The following ADAMTSL1 variants were observed in gnomAD, a reference collection of about 807,000 sequenced individuals.
The protein encoded by ADAMTSL1 is ADAMTS-like protein 1.
Under a neutral mutation model 201.8 loss-of-function variants are expected in ADAMTSL1, and 126 were observed. That is an observed-to-expected ratio of 0.62 (90% CI 0.54 to 0.72). The LOEUF (loss-of-function observed/expected upper bound fraction) is 0.72, where lower values mean the gene tolerates loss of function less well. Ranked by LOEUF, ADAMTSL1 falls within the 30% of genes least tolerant of loss-of-function variation. The pLI is 0.00. For synonymous variants in ADAMTSL1, 1,121 were observed against 903.4 expected (o/e 1.24, Z -4.32); for missense variants, 2,679 against 2,277.8 (o/e 1.18, Z -3.59).
chr9:18,689,823 G>A, intron 13 of ADAMTSL1, among the ~76,000 whole-genome samples: 1 of 152,278 alleles, frequency 6.6e-6, no homozygotes, highest in African/African-American at 2.4e-5. Flanking sequence ...TTTTTTCAAA[G>A]GTAGGATTGG....
At position 18,826,543 on chromosome 9, in the gene ADAMTSL1, C is replaced by T. The variant is rs1263231246; in HGVS notation, c.4114+80C>T. 4 of 1,489,890 alleles carry T rather than the reference C, an allele frequency of 2.7e-6. No individual in the cohort carries two copies. In the East Asian group the frequency reaches 9.8e-5, roughly 36 times the overall value. The allele number at this position is 1,489,890 out of a possible 1,614,324, so 92.3% of individuals were successfully genotyped here. Reference sequence around the variant, plus strand: ...AACCCACCCTCTACCTCCTTTGTGCCCTAATCCAATTAAGGACATAAAAGG... The same window carrying T: ...AACCCACCCTCTACCTCCTTTGTGCTCTAATCCAATTAAGGACATAAAAGG... On this transcript the variant is annotated intron_variant, in intron 22 of 28. Coordinates refer to ENST00000380548, the MANE Select transcript of ADAMTSL1 (RefSeq NM_001040272.6).
chr9:18,007,395 T>C (rs1314103200), intron 1 of ADAMTSL1, among the ~76,000 whole-genome samples: 1 of 152,062 alleles, frequency 6.6e-6, no homozygotes, highest in East Asian at 1.9e-4. Context: ...AACTTAGAAA[T>C]CTACCTTTTC....
chr9:18,220,037 G>A (rs1313807441), intron 2 of ADAMTSL1, among the ~76,000 whole-genome samples: 1 of 151,820 alleles, frequency 6.6e-6, no homozygotes, highest in East Asian at 1.9e-4. Flanking sequence ...AGCTACCTTG[G>A]CCTAGAGTAT....
At chr9:18,782,682 A>G (rs922283351) in intron 19 of ADAMTSL1, among the ~76,000 whole-genome samples, 1 of 152,218 alleles carries the variant, frequency 6.6e-6, no homozygotes, top group Non-Finnish European at 1.5e-5. Flanking sequence ...TAAAACGGGT[A>G]TAATAAGAGA....
intron 14 of ADAMTSL1, among the ~76,000 whole-genome samples, chr9:18,717,230 TATA>T (rs71494984): frequency 0.77 from 111,323 of 144,282 alleles, 44,406 homozygotes; most frequent in Admixed American, 0.87. Flanking sequence ...AAACTTAAAG[TATA>T]ATAATAATAA....
intron 22 of ADAMTSL1, 123 bp from the exon 23 acceptor site, chr9:18,829,720 A>G: frequency 7.5e-7 from 1 of 1,325,128 alleles, no homozygotes; most frequent in African/African-American, 1.5e-5. Flanking sequence ...AAAAGGCAAC[A>G]ATAGTAATGC....
At chr9:18,183,526 A>T (rs1172428363) in intron 2 of ADAMTSL1, among the ~76,000 whole-genome samples, 1 of 152,122 alleles carries the variant, frequency 6.6e-6, no homozygotes, top group East Asian at 1.9e-4. Flanking sequence ...CTCAACAATA[A>T]ACAAACAATC....
At chr9:17,970,773 A>G (rs1423149168) in intron 1 of ADAMTSL1, among the ~76,000 whole-genome samples, 1 of 152,034 alleles carries the variant, frequency 6.6e-6, no homozygotes, top group Non-Finnish European at 1.5e-5. Flanking sequence ...GCTTACTCCT[A>G]TCTTCACACT....
intron 23 of ADAMTSL1, among the ~76,000 whole-genome samples, chr9:18,842,723 A>G (rs1488260213): frequency 6.6e-6 from 1 of 152,118 alleles, no homozygotes; most frequent in Non-Finnish European, 1.5e-5. Flanking sequence ...GTGCTCCCAT[A>G]TTGGGTGCAT....
chr9:18,365,696 A>T lies in ADAMTSL1; in HGVS notation c.208-139133A>T, dbSNP rs1181294547. 2.0e-5 allele frequency among the ~76,000 whole-genome samples: 3 copies of T among 152,136 alleles called. No homozygotes were observed. In the East Asian group the frequency reaches 5.8e-4, roughly 29 times the overall value. On this transcript the variant is annotated intron_variant, in intron 2 of 29. Coordinates refer to the ADAMTSL1 transcript ENST00000680146. ...GGAAAAGGGAAAAGAGTGTGAGAGA[A>T]AGAAAATGGGGGAGCACGATTTACG...
chr9:18,630,193 G>A lies in ADAMTSL1; in HGVS notation c.602-5750G>A, dbSNP rs1826663796. Among the ~76,000 whole-genome samples, 3 of 152,122 alleles carry A rather than the reference G, an allele frequency of 2.0e-5. No individual in the cohort carries two copies. In the South Asian group the frequency reaches 6.2e-4, roughly 31 times the overall value. ...GGACCAAAGCCATGTTTGGTCTAGAGCTAATTGTACCCTTTTACTGAGGCG... is the reference window on the plus strand; with the variant it reads ...GGACCAAAGCCATGTTTGGTCTAGAACTAATTGTACCCTTTTACTGAGGCG... On this transcript the variant is annotated intron_variant, in intron 5 of 28. Transcript: ENST00000380548.
intron 1 of ADAMTSL1, among the ~76,000 whole-genome samples, chr9:18,091,069 ATGTG>A (rs34809656): frequency 1.9e-5 from 2 of 105,784 alleles, no homozygotes; most frequent in African/African-American, 8.2e-5. Flanking sequence ...GTGTATATGC[ATGTG>A]TGTGTGTGTG....
At chr9:18,197,794 C>T (rs555548340) in intron 2 of ADAMTSL1, among the ~76,000 whole-genome samples, 34 of 152,104 alleles carry the variant, frequency 2.2e-4, no homozygotes, top group South Asian at 1.5e-3. Context: ...GAGCCCGCAT[C>T]GCCAAGTCAA....
chr9:18,763,911 G>C (rs1201158160), intron 16 of ADAMTSL1, among the ~76,000 whole-genome samples: 1 of 152,132 alleles, frequency 6.6e-6, no homozygotes, highest in East Asian at 1.9e-4. Context: ...TTTGAAGTCA[G>C]ATAATGTGAT....
chr9:18,625,932 A>G (rs879356120), intron 5 of ADAMTSL1, among the ~76,000 whole-genome samples: 5 of 152,220 alleles, frequency 3.3e-5, no homozygotes, highest in Non-Finnish European at 5.9e-5. Context: ...GCTGACGTAT[A>G]ATGGCTATGG....
chr9:18,080,862 T>C (rs753239531), intron 1 of ADAMTSL1, among the ~76,000 whole-genome samples: 16 of 152,212 alleles, frequency 1.1e-4, no homozygotes, highest in Non-Finnish European at 2.1e-4. Context: ...CTCATAAAAC[T>C]TATATTTTTA....
At chr9:18,182,055 G>A (rs541939806) in intron 2 of ADAMTSL1, among the ~76,000 whole-genome samples, 48 of 150,366 alleles carry the variant, frequency 3.2e-4, no homozygotes, top group Middle Eastern at 3.4e-3. Flanking sequence ...ACCAAACACC[G>A]CATATTCTCA....
At chr9:18,800,203 C>T (rs1442830384) in intron 20 of ADAMTSL1, among the ~76,000 whole-genome samples, 1 of 151,818 alleles carries the variant, frequency 6.6e-6, no homozygotes, top group African/African-American at 2.4e-5. Flanking sequence ...ATGGCAAAAC[C>T]CCATCTCTAC....
At chr9:18,831,226 T>A (rs1824957264) in intron 23 of ADAMTSL1, among the ~76,000 whole-genome samples, 1 of 152,218 alleles carries the variant, frequency 6.6e-6, no homozygotes, top group Non-Finnish European at 1.5e-5. Context: ...TGCCCATGAT[T>A]TATACAAGTT....
Sources: gnomAD v4.1 joint callset for allele counts (sites outside exome capture counted in the v4.1 genomes callset) on GRCh38, gnomAD v4.1.1 for gene constraint, MANE v1.5 for transcripts, NCBI Gene and HGNC (gene_info 2026-07-23, HGNC 2026-07-21) for gene names.